NKAIN1: variants seen among roughly 807,000 people sequenced by gnomAD.
NKAIN1 encodes the protein sodium/potassium-transporting ATPase subunit beta-1-interacting protein 1.
A neutral mutation model predicts 31.6 loss-of-function variants in NKAIN1; 13 were observed. That is an observed-to-expected ratio of 0.41 (90% confidence interval 0.27 to 0.65). NKAIN1 has a LOEUF of 0.65. Among genes scored for constraint, NKAIN1 ranks in the 30% least tolerant of loss-of-function variants. The pLI, the probability that NKAIN1 is intolerant of heterozygous loss-of-function variation, is 0.30. For synonymous variants in NKAIN1, 104 were observed against 109.0 expected (o/e 0.95, Z 0.28); for missense variants, 193 against 262.2 (o/e 0.74, Z 1.82).
rs3046278 is a variant in NKAIN1 at position 31,183,436 on chromosome 1, C to CTTTTTTT, written c.471+374_471+380dup. 1.1e-3 allele frequency among the ~76,000 whole-genome samples: 117 copies of CTTTTTTT among 106,670 alleles called. 4 individuals carry two copies. The highest frequency in any genetic ancestry group is 3.0e-3 in the East Asian group (9 of 2,962). The allele number at this position is 106,670 out of a possible 152,430, so 70.0% of individuals were successfully genotyped here. A position where few individuals can be genotyped will look rare whatever the true frequency, so the allele number is the denominator to read the frequency against. On this transcript the variant is annotated intron_variant, in intron 4 of 6. Coordinates refer to ENST00000373736, the MANE Select transcript of NKAIN1 (RefSeq NM_024522.3). ...GGCGGAAGACCTAGGTTCATTCCCT[C>CTTTTTTT]TTTTTTTTTTTTTTTTTTTTTTTTT...
chr1:31,233,757 T>C lies in NKAIN1; in HGVS notation c.54+5737A>G, dbSNP rs1027225399. Among the ~76,000 whole-genome samples the C allele has an allele frequency of 2.0e-5, 3 of 152,142 alleles. No individual in the cohort carries two copies. Among genetic ancestry groups the C allele is most frequent in the Admixed American group, 1.3e-4 (2 of 15,272 alleles). On this transcript the variant is annotated intron_variant, in intron 1 of 6. Transcript: ENST00000373736. The surrounding 1 kb of genome is among the most constrained non-coding windows in gnomAD (Gnocchi z 4.0). The stretch of plus-strand genomic sequence containing the variant: ...ATCATAGCTAGCCCTGGAGAGCACT[T>C]TCCTAGGCCAGGGACCGTACTTGGC...
chr1:31,196,800 C>A (rs1645331152), intron 1 of NKAIN1, among the ~76,000 whole-genome samples: 1 of 152,156 alleles, frequency 6.6e-6, no homozygotes, highest in East Asian at 1.9e-4. Context: ...CAATTGCCCT[C>A]TCTCCTGCCA....
In NKAIN1 at chr1:31,187,400, C is replaced by T. The variant is rs114796462; in HGVS notation, c.192+650G>A. On this transcript the variant is annotated intron_variant, in intron 2 of 6. Coordinates refer to ENST00000373736, the MANE Select transcript of NKAIN1 (RefSeq NM_024522.3). Reference sequence around the variant, plus strand: ...GGCTGTCGGGGAGGAGGAGAGAGACCCAGACTCCTGGGGCTGGAGTGCAGG... The same window carrying T: ...GGCTGTCGGGGAGGAGGAGAGAGACTCAGACTCCTGGGGCTGGAGTGCAGG... 6.7e-3 allele frequency among the ~76,000 whole-genome samples: 1,017 copies of T among 152,096 alleles called. 9 individuals carry two copies. Among genetic ancestry groups the T allele is most frequent in the Middle Eastern group, 0.014 (4 of 294 alleles).
At chr1:31,186,942 G>A (rs1645248797) in intron 2 of NKAIN1, among the ~76,000 whole-genome samples, 1 of 152,204 alleles carries the variant, frequency 6.6e-6, no homozygotes, top group South Asian at 2.1e-4. Context: ...AGCTGGAGAG[G>A]AGGTTAGGGT....
chr1:31,224,946 C>G lies in NKAIN1; in HGVS notation c.54+14548G>C, dbSNP rs867069697. Among the ~76,000 whole-genome samples the G allele has an allele frequency of 2.0e-5, 3 of 152,132 alleles. No homozygotes were observed. The South Asian group carries it at 6.2e-4, about 31-fold the overall frequency. On this transcript the variant is annotated intron_variant, in intron 1 of 6. Transcript: ENST00000373736. ...GAGTGGGACCCAAAGCCAGCGGACACTGCACATGGAGATTTGTGGATCAAA... is the reference window on the plus strand; with the variant it reads ...GAGTGGGACCCAAAGCCAGCGGACAGTGCACATGGAGATTTGTGGATCAAA...
At chr1:31,200,025 G>GCGCACACA (rs1553162440) in intron 1 of NKAIN1, among the ~76,000 whole-genome samples, 68 of 49,430 alleles carry the variant, frequency 1.4e-3, no homozygotes, top group South Asian at 6.7e-3. Context: ...ACACACACAC[G>GCGCACACA]CACACACACA....
intron 1 of NKAIN1, among the ~76,000 whole-genome samples, chr1:31,234,734 C>A (rs1381140522): frequency 2.6e-5 from 4 of 152,212 alleles, no homozygotes; most frequent in South Asian, 2.1e-4. Flanking sequence ...ATGAGGCTAT[C>A]GAAATATGAT....
chr1:31,214,064 T>C (rs906612038), intron 1 of NKAIN1, among the ~76,000 whole-genome samples: 1 of 151,016 alleles, frequency 6.6e-6, no homozygotes, highest in African/African-American at 2.4e-5. Flanking sequence ...ATTTAAGAAG[T>C]GATATATCCA....
At chr1:31,189,815 C>T (rs1645272044) in intron 1 of NKAIN1, among the ~76,000 whole-genome samples, 1 of 152,216 alleles carries the variant, frequency 6.6e-6, no homozygotes, top group South Asian at 2.1e-4. Flanking sequence ...ACAATCAGAA[C>T]AGAGCTGCTA....
intron 1 of NKAIN1, among the ~76,000 whole-genome samples, chr1:31,196,582 G>T (rs982310089): frequency 2.6e-5 from 4 of 151,042 alleles, no homozygotes; most frequent in African/African-American, 9.7e-5. Flanking sequence ...AGCTACTAGG[G>T]AGGCTGAGGC....
intron 1 of NKAIN1, among the ~76,000 whole-genome samples, chr1:31,209,991 A>T (rs1267840225): frequency 5.1e-5 from 4 of 79,172 alleles, no homozygotes; most frequent in Admixed American, 3.3e-4. Context: ...TGTCTTATTA[A>T]AAAAAAAAAA....
chr1:31,185,290 G>A lies in NKAIN1; in HGVS notation c.230C>T (p.Ala77Val), dbSNP rs1045686153. Residue 77 changes from alanine to valine, a missense_variant, in exon 3 of 7, where the codon GCA (alanine) becomes GTA (valine). Physicochemically the swap from Ala to Val is moderately conservative, Grantham distance 64. Transcript: ENST00000373736. ...AWLVLWVGWN[A>V]FIICFYLEVG... Reference sequence around the variant, plus strand: ...CTCCAAGTAGAAGCAGATGATAAATGCATTCCAGCCAACCCAGAGCACCAG... The same window carrying A: ...CTCCAAGTAGAAGCAGATGATAAATACATTCCAGCCAACCCAGAGCACCAG... 5.0e-6 allele frequency: 8 copies of A among 1,610,966 alleles called. No homozygotes were observed. The African/African-American group carries it at 1.1e-4, about 22-fold the overall frequency.
At position 31,226,046 on chromosome 1, in the gene NKAIN1, A is replaced by C. The variant is rs76674488; in HGVS notation, c.54+13448T>G. Among the ~76,000 whole-genome samples, 1,003 of 152,338 alleles carry C rather than the reference A, an allele frequency of 6.6e-3. 60 individuals carry two copies. In the East Asian group the frequency reaches 0.13, roughly 19 times the overall value. ...TTATGTTATGAAGCTTCACCCAGGG[A>C]ATATAAAAGGTTTAGCTGACTGCCT... On this transcript the variant is annotated intron_variant, in intron 1 of 6. Transcript: ENST00000373736.
rs774150890 is a variant in NKAIN1 at position 31,181,574 on chromosome 1, G to T, written c.*129C>A. 4.8e-6 allele frequency: 4 copies of T among 825,120 alleles called. No homozygotes were observed. The highest frequency in any genetic ancestry group is 6.8e-6 in the Non-Finnish European group (4 of 589,812). The allele number at this position is 825,120 out of a possible 1,614,324, so 51.1% of individuals were successfully genotyped here. A position where few individuals can be genotyped will look rare whatever the true frequency, so the allele number is the denominator to read the frequency against. ...GTCCAAGTCCGCATCTCCAGATGCA[G>T]ACGCGGGGTTGGGCACAGGCTGCAG... On this transcript the variant is annotated 3_prime_UTR_variant, in exon 7 of 7. Transcript: ENST00000373736.
intron 1 of NKAIN1, among the ~76,000 whole-genome samples, chr1:31,197,135 A>G (rs941480671): frequency 2.8e-5 from 4 of 143,710 alleles, no homozygotes; most frequent in African/African-American, 1.0e-4. Context: ...TTTTTGAGAC[A>G]GAATCTCACT....
chr1:31,210,100 C>T (rs762298539), intron 1 of NKAIN1, among the ~76,000 whole-genome samples: 7 of 151,974 alleles, frequency 4.6e-5, no homozygotes, highest in East Asian at 1.9e-4. Flanking sequence ...CCTTAGTTCA[C>T]GCCCACCAAA....
At chr1:31,196,512 C>CA (rs58194598) in intron 1 of NKAIN1, among the ~76,000 whole-genome samples, 26,653 of 91,246 alleles carry the variant, frequency 0.29, 5,309 homozygotes, top group African/African-American at 0.54. Flanking sequence ...GACTCCTACT[C>CA]AAAAAAAAAA....
chr1:31,231,292 C>T (rs1645645893), intron 1 of NKAIN1, among the ~76,000 whole-genome samples: 1 of 151,474 alleles, frequency 6.6e-6, no homozygotes, highest in Non-Finnish European at 1.5e-5. Flanking sequence ...AACCTCCCCA[C>T]TCCCCGACTA....
intron 1 of NKAIN1, among the ~76,000 whole-genome samples, chr1:31,215,380 A>C (rs1645503195): frequency 6.6e-6 from 1 of 152,168 alleles, no homozygotes; most frequent in Admixed American, 6.5e-5. Flanking sequence ...CCAGTGGAGA[A>C]TCACAGCAGG....
Sources: allele counts gnomAD v4.1 joint callset (sites outside exome capture counted in the v4.1 genomes callset), GRCh38; gene constraint gnomAD v4.1.1; non-coding constraint Gnocchi (gnomAD v3.1); transcripts MANE v1.5; gene names NCBI Gene and HGNC (gene_info 2026-07-23, HGNC 2026-07-21).